ZNF112: variants seen among roughly 807,000 people sequenced by gnomAD.
ZNF112 encodes zinc finger protein 112.
A neutral mutation model predicts 77.7 loss-of-function variants in ZNF112; 37 were observed. The observed-to-expected ratio is 0.48, with a 90% CI of 0.37 to 0.63. ZNF112 has a LOEUF of 0.63. ZNF112 is among the 20% of genes least tolerant of loss of function. The pLI is 0.00. For synonymous variants in ZNF112, 333 were observed against 363.6 expected, an observed-to-expected ratio of 0.92 and a Z score of 0.96; for missense variants, 950 against 1,077.4, an observed-to-expected ratio of 0.88 and a Z score of 1.66.
intron 2 of ZNF112, among the ~76,000 whole-genome samples, chr19:44,338,269 C>G (rs774974049): frequency 6.6e-6 from 1 of 152,114 alleles, no homozygotes; most frequent in Non-Finnish European, 1.5e-5. Flanking sequence ...ATGCCAGGTG[C>G]TGACTGCTAA....
chr19:44,352,510 G>A (rs1970711624), intron 1 of ZNF112, among the ~76,000 whole-genome samples: 1 of 151,942 alleles, frequency 6.6e-6, no homozygotes, highest in African/African-American at 2.4e-5. Context: ...GTGTAGTGAG[G>A]CAAGGAAAAG....
chr19:44,343,298 G>C (rs1167184349), intron 1 of ZNF112: 2 of 1,611,442 alleles, frequency 1.2e-6, no homozygotes, highest in African/African-American at 2.7e-5. Context: ...GAGAAAGGCA[G>C]AGACCTGAGA....
intron 1 of ZNF112, among the ~76,000 whole-genome samples, chr19:44,350,988 T>C (rs1445622754): frequency 6.6e-6 from 1 of 152,096 alleles, no homozygotes; most frequent in East Asian, 1.9e-4. Context: ...TCTTTATTAG[T>C]TATGGAGATC....
Position 44,327,833 on chromosome 19 carries a change from AC to A in ZNF112, c.2323del (p.Val775CysfsTer146). The A allele has an allele frequency of 6.2e-7, 1 of 1,613,630 alleles. No individual in the cohort carries two copies. The highest frequency in any genetic ancestry group is 8.5e-7 in the Non-Finnish European group (1 of 1,179,828). On this transcript the variant is annotated frameshift_variant, in exon 4 of 4. Transcript: ENST00000354340. LOFTEE classifies it high-confidence loss of function. ...HTGGKPYKCE[V>X]CTKGFSESSR... is the part of the protein sequence containing the mutation. The stretch of plus-strand genomic sequence containing the variant: ...ACTCTCACTGAAACCCTTTGTACAC[AC>A]CTCACATTTGTATGGTTTCCCTCCT...
Position 44,327,811 on chromosome 19 carries a change from C to G in ZNF112, c.2346G>C (p.Glu782Asp). 1 of 1,613,804 alleles carries G rather than the reference C, an allele frequency of 6.2e-7. No individual in the cohort carries two copies. The highest frequency in any genetic ancestry group is 8.5e-7 in the Non-Finnish European group (1 of 1,179,766). ...KCEVCTKGFS[E>D]SSRLQAHQRV... ...TTTGGTGTGCTTGAAGGCGTGAACT[C>G]TCACTGAAACCCTTTGTACACACCT... Residue 782 changes from glutamate to aspartate, a missense_variant, in exon 4 of 4, where the codon GAG becomes GAC. Physicochemically the swap from Glu to Asp is conservative, Grantham distance 45. Transcript: ENST00000354340.
chr19:44,355,004 T>C (rs1970760818), intron 1 of ZNF112, among the ~76,000 whole-genome samples: 1 of 152,084 alleles, frequency 6.6e-6, no homozygotes, highest in Admixed American at 6.6e-5. Context: ...TTGGCAATTA[T>C]GACAATCAAT....
intron 3 of ZNF112, among the ~76,000 whole-genome samples, chr19:44,332,567 T>G (rs999568479): frequency 4.6e-5 from 7 of 152,252 alleles, no homozygotes; most frequent in African/African-American, 1.7e-4. Context: ...CCTTGTAGTT[T>G]TGTTTTACTA....
Position 44,350,818 on chromosome 19 carries a change from C to T in ZNF112, c.-4+5808G>A, listed in dbSNP as rs531557514. Among the ~76,000 whole-genome samples the T allele has an allele frequency of 5.5e-4, 83 of 152,198 alleles. 1 individual carries two copies. The highest frequency in any genetic ancestry group is 2.8e-4 in the Non-Finnish European group (19 of 67,958). On this transcript the variant is annotated intron_variant, in intron 1 of 3. Transcript: ENST00000354340. Reference sequence around the variant, plus strand: ...ATTTCATTGTACACTGCATAATTCTCCTAACCTTCCATTGAAAGTGATTAT... The same window carrying T: ...ATTTCATTGTACACTGCATAATTCTTCTAACCTTCCATTGAAAGTGATTAT...
intron 3 of ZNF112, among the ~76,000 whole-genome samples, chr19:44,332,897 G>C (rs902726959): frequency 3.9e-5 from 6 of 152,104 alleles, no homozygotes; most frequent in African/African-American, 1.4e-4. Context: ...ATTTCCTTTA[G>C]TCAATGGTAT....
Position 44,336,617 on chromosome 19 carries a change from T to A in ZNF112, c.220+6A>T. ...GGCTGCTGTGTTCCTGCAGCACAGT[T>A]CTCACCTGAACATCCATCTCTTGGG... is the stretch of plus-strand genomic sequence containing the variant. On this transcript the variant is annotated splice_donor_region_variant and intron_variant, in intron 3 of 3. Transcript: ENST00000354340. 1 of 1,611,204 alleles carries A rather than the reference T, an allele frequency of 6.2e-7. No homozygotes were observed. Among genetic ancestry groups the A allele is most frequent in the Non-Finnish European group, 8.5e-7 (1 of 1,177,346 alleles).
intron 1 of ZNF112, among the ~76,000 whole-genome samples, chr19:44,346,081 G>C (rs1970583713): frequency 6.6e-6 from 1 of 152,194 alleles, no homozygotes; most frequent in South Asian, 2.1e-4. Context: ...GCTTGTATGT[G>C]CCCCGCTCTG....
Position 44,327,405 on chromosome 19 carries a change from G to A in ZNF112, c.*28C>T, listed in dbSNP as rs201083806. 43 of 1,532,382 alleles carry A rather than the reference G, an allele frequency of 2.8e-5. No homozygotes were observed. The East Asian group carries it at 8.8e-4, about 32-fold the overall frequency. The allele number at this position is 1,532,382 out of a possible 1,614,324, so 94.9% of individuals were successfully genotyped here. A position where few individuals can be genotyped will look rare whatever the true frequency, so the allele number is the denominator to read the frequency against. ...TTCTACTGAAAGAACTCTAGTGACT[G>A]GAAAATTTCAGCTCCCATTTGAGGA... On this transcript the variant is annotated 3_prime_UTR_variant, in exon 4 of 4. Coordinates refer to ENST00000354340, the MANE Select transcript of ZNF112 (RefSeq NM_013380.4).
intron 1 of ZNF112, among the ~76,000 whole-genome samples, chr19:44,354,992 G>A (rs530846412): frequency 6.6e-6 from 1 of 152,024 alleles, no homozygotes; most frequent in East Asian, 1.9e-4. Flanking sequence ...GATCATCAAC[G>A]TTTGGCAATT....
At chr19:44,347,964 G>A (rs988483485) in intron 1 of ZNF112, among the ~76,000 whole-genome samples, 1 of 151,900 alleles carries the variant, frequency 6.6e-6, no homozygotes, top group Non-Finnish European at 1.5e-5. Context: ...CATTTTCACT[G>A]GATATAGAAT....
rs545807705 is a variant in ZNF112, at chr19:44,347,712, T to C, written c.-3-7170A>G. Among the ~76,000 whole-genome samples, 3 of 152,192 alleles carry C rather than the reference T, an allele frequency of 2.0e-5. No individual in the cohort carries two copies. The South Asian group carries it at 6.2e-4, about 32-fold the overall frequency. On this transcript the variant is annotated intron_variant, in intron 1 of 3. Coordinates refer to ENST00000354340, the MANE Select transcript of ZNF112 (RefSeq NM_013380.4). ...ACTTTGTTTCATTTGTATATACTAC[T>C]CTATATACACAAAAACCTCTAGCCA...
At chr19:44,347,990 C>T (rs982291155) in intron 1 of ZNF112, among the ~76,000 whole-genome samples, 6 of 152,084 alleles carry the variant, frequency 3.9e-5, no homozygotes, top group Admixed American at 3.9e-4. Flanking sequence ...ACTGACAACT[C>T]CTTTAAGAAT....
chr19:44,336,548 A>C, intron 3 of ZNF112, 75 bp downstream of exon 3: 1 of 1,279,166 alleles, frequency 7.8e-7, no homozygotes, highest in Admixed American at 1.8e-5. Flanking sequence ...AAGCTTAAAC[A>C]GAGAAGTGAT....
intron 1 of ZNF112, among the ~76,000 whole-genome samples, chr19:44,352,879 T>C (rs941525507): frequency 6.6e-6 from 1 of 152,058 alleles, no homozygotes; most frequent in Non-Finnish European, 1.5e-5. Context: ...ACATGTTATA[T>C]CAATGAACTG....
At position 44,329,282 on chromosome 19, in the gene ZNF112, C is replaced by A. The variant is rs1425113061; in HGVS notation, c.875G>T (p.Ser292Ile). 1 of 1,613,856 alleles carries A rather than the reference C, an allele frequency of 6.2e-7. No individual in the cohort carries two copies. The highest frequency in any genetic ancestry group is 8.5e-7 in the Non-Finnish European group (1 of 1,180,006). The change falls in exon 4 of 4, where the codon AGT (serine) becomes ATT (isoleucine). Residue 292 changes from serine (S) to isoleucine (I), a missense_variant. Ser to Ile is a moderately radical substitution (Grantham distance 142). Transcript: ENST00000354340. ...YSSCGKGCNYSSLLHIHQNIE... is the reference protein window; with the variant it reads ...YSSCGKGCNYISLLHIHQNIE... Reference sequence around the variant, plus strand: ...ATTTTGATGAATATGAAGAAGTGAACTATAATTACAGCCCTTTCCACATGA... The same window carrying A: ...ATTTTGATGAATATGAAGAAGTGAAATATAATTACAGCCCTTTCCACATGA...
Sources: gnomAD v4.1 joint callset for allele counts (sites outside exome capture counted in the v4.1 genomes callset) on GRCh38, gnomAD v4.1.1 for gene constraint, MANE v1.5 for transcripts, NCBI Gene and HGNC (gene_info 2026-07-23, HGNC 2026-07-21) for gene names.